SLC47A2: variants seen among roughly 807,000 people sequenced by gnomAD.
The protein encoded by SLC47A2 is solute carrier family 47 member 2.
A neutral mutation model predicts 67.7 loss-of-function variants in SLC47A2; 52 were observed. The ratio of observed to expected loss-of-function variants is 0.77; its 90% CI spans 0.61 to 0.97. The LOEUF (loss-of-function observed/expected upper bound fraction) is 0.97. Ranked by LOEUF, SLC47A2 falls within the 50% of genes least tolerant of loss-of-function variation. The pLI is 0.00. For missense variants in SLC47A2, 676 were observed against 712.3 expected (o/e 0.95, Z 0.58); for synonymous variants, 278 against 292.9 (o/e 0.95, Z 0.52).
chr17:19,678,884 G>T lies in SLC47A2; in HGVS notation c.1503C>A (p.Gly501=), dbSNP rs964965037. ...LSSVATGSSP[G]ITLTTYSRSE... The stretch of plus-strand genomic sequence containing the variant: ...ACCTTGAATACGTTGTCAAGGTAAT[G>T]CCAGGGGAACTGCCTGTAGCCACTG... Residue 501 remains glycine (G), a synonymous_variant, in exon 17 of 17, where the codon GGC becomes GGA. Transcript: ENST00000433844. 2.5e-6 allele frequency: 4 copies of T among 1,584,150 alleles called. No homozygotes were observed. Among genetic ancestry groups the T allele is most frequent in the Non-Finnish European group, 3.4e-6 (4 of 1,163,852 alleles).
At chr17:19,704,785 GTGTGCAGGAA>G in intron 10 of SLC47A2, 1 of 1,072,170 alleles carries the variant, frequency 9.3e-7, no homozygotes, top group Non-Finnish European at 1.3e-6. Context: ...GCCGACTGCA[GTGTGCAGGAA>G]TGTGGCCTGC....
At chr17:19,680,898 A>G (rs913858907) in intron 15 of SLC47A2, among the ~76,000 whole-genome samples, 1 of 152,186 alleles carries the variant, frequency 6.6e-6, no homozygotes, top group Non-Finnish European at 1.5e-5. Context: ...GACAGGAGCC[A>G]CTGTTGAGGC....
At chr17:19,681,222 CA>C (rs2085305981) in intron 15 of SLC47A2, 144 bp downstream of exon 15, 2 of 677,746 alleles carry the variant, frequency 3.0e-6, no homozygotes, top group African/African-American at 3.7e-5. Context: ...CACAAACAAA[CA>C]AACAAAAAAA....
chr17:19,708,194 C>T, intron 7 of SLC47A2, 108 bp downstream of exon 7: 2 of 1,292,356 alleles, frequency 1.5e-6, no homozygotes, highest in Non-Finnish European at 2.2e-6. Flanking sequence ...CCCTCCACTT[C>T]AGGACGGCAC....
At chr17:19,682,477 G>A (rs1367002578) in intron 13 of SLC47A2, among the ~76,000 whole-genome samples, 1 of 152,186 alleles carries the variant, frequency 6.6e-6, no homozygotes, top group Admixed American at 6.5e-5. Context: ...ATGTGTCTCT[G>A]CTTTTTCTAG....
At chr17:19,716,668 T>C, upstream of SLC47A2, 1 of 1,417,994 alleles carries the variant, frequency 7.1e-7, no homozygotes, top group Non-Finnish European at 9.3e-7. Context: ...GGCTGATGAG[T>C]AAGGGGCAGG....
chr17:19,716,494 C>A lies in SLC47A2; in HGVS notation c.62G>T (p.Arg21Met), dbSNP rs2086271349. 2.5e-6 allele frequency: 4 copies of A among 1,612,744 alleles called. No homozygotes were observed. The highest frequency in any genetic ancestry group is 3.4e-6 in the Non-Finnish European group (4 of 1,179,570). Residue 21 changes from arginine to methionine, a missense_variant, in exon 1 of 17, where the codon AGG becomes ATG. Coordinates refer to ENST00000433844, the MANE Select transcript of SLC47A2 (RefSeq NM_001099646.3). ...AGTCCCAAAGCCTCTGGGAACCAGC[C>A]TGCTGAGGGCAGGGCAGCAGCCCCC... ...DHGGCCPALS[R>M]LVPRGFGTEM...
intron 15 of SLC47A2, 63 bp from the exon 16 acceptor site, chr17:19,680,102 A>G: frequency 6.7e-7 from 1 of 1,495,346 alleles, no homozygotes; most frequent in Non-Finnish European, 9.2e-7. Context: ...CTTCACTGCT[A>G]GCCTCGCATT....
Position 19,705,491 on chromosome 17 carries a change from A to G in SLC47A2, c.854T>C (p.Val285Ala). ...GACAGCCTGGGCAGAGAGATCCACCACACTGAGCAGCCCTAGAGAAGAGGC... is the reference window on the plus strand; with the variant it reads ...GACAGCCTGGGCAGAGAGATCCACCGCACTGAGCAGCCCTAGAGAAGAGGC... ...IGSFLMGLLSVVDLSAQAVIY... is the reference protein window; with the variant it reads ...IGSFLMGLLSAVDLSAQAVIY... The change falls in exon 10 of 17, where the codon GTG (valine) becomes GCG (alanine). Residue 285 changes from valine to alanine, a missense_variant. Coordinates refer to ENST00000433844, the MANE Select transcript of SLC47A2 (RefSeq NM_001099646.3). 1 of 1,609,826 alleles carries G rather than the reference A, an allele frequency of 6.2e-7. No homozygotes were observed. The highest frequency in any genetic ancestry group is 8.5e-7 in the Non-Finnish European group (1 of 1,178,730).
At chr17:19,691,357 T>C (rs1349628015) in intron 13 of SLC47A2, among the ~76,000 whole-genome samples, 1 of 152,158 alleles carries the variant, frequency 6.6e-6, no homozygotes. Context: ...TAAGTATCCA[T>C]GAACAGATGA....
intron 13 of SLC47A2, among the ~76,000 whole-genome samples, chr17:19,694,009 A>G (rs1438808856): frequency 6.6e-6 from 1 of 152,228 alleles, no homozygotes; most frequent in Non-Finnish European, 1.5e-5. Context: ...AATGAAATTA[A>G]GAAAACAATT....
Position 19,705,521 on chromosome 17 carries a change from C to T in SLC47A2, c.842-18G>A, listed in dbSNP as rs373139119. On this transcript the variant is annotated intron_variant, in intron 9 of 16. Transcript: ENST00000433844. ...GAGCAGCCCTAGAGAAGAGGCCCGCCGTGAGTCCGGCCCGCAGCCCCAGAC... is the reference window on the plus strand; with the variant it reads ...GAGCAGCCCTAGAGAAGAGGCCCGCTGTGAGTCCGGCCCGCAGCCCCAGAC... The T allele has an allele frequency of 9.3e-6, 15 of 1,605,616 alleles. No homozygotes were observed. Among genetic ancestry groups the T allele is most frequent in the Middle Eastern group, 1.8e-4 (1 of 5,706 alleles).
chr17:19,684,067 ATAAAC>A, intron 13 of SLC47A2, among the ~76,000 whole-genome samples: 1 of 152,266 alleles, frequency 6.6e-6, no homozygotes, highest in African/African-American at 2.4e-5. Flanking sequence ...ACAAATCTCA[ATAAAC>A]TAAACTTAAA....
intron 12 of SLC47A2, 90 bp downstream of exon 12, chr17:19,703,002 G>T: frequency 2.2e-6 from 3 of 1,389,684 alleles, no homozygotes; most frequent in Non-Finnish European, 3.0e-6. Context: ...TTTGGGCCCA[G>T]CACTGAGCCA....
At chr17:19,718,960 A>G (rs1451697228), upstream of SLC47A2, 2 of 152,198 alleles carry the variant, frequency 1.3e-5, no homozygotes, top group Non-Finnish European at 2.9e-5. Flanking sequence ...AACCTGAGAT[A>G]CTTTGAGCGG....
At chr17:19,718,767 TG>T (rs2086310939), upstream of SLC47A2, 3 of 151,802 alleles carry the variant, frequency 2.0e-5, no homozygotes, top group Non-Finnish European at 4.4e-5. Context: ...GCAGGCAGAG[TG>T]GGGGGTGGGG....
Position 19,707,840 on chromosome 17 carries a change from G to A in SLC47A2, c.633C>T (p.Gly211=), listed in dbSNP as rs543042451. The A allele has an allele frequency of 1.8e-4, 284 of 1,592,206 alleles. 2 individuals carry two copies. The East Asian group carries it at 6.4e-3, about 36-fold the overall frequency. ...GGGAGATGATGTTGGCATAGGCGGA[G>A]CCCCTGGGTAAGGAGGGAGAACAGG... is the stretch of plus-strand genomic sequence containing the variant. ...LVSVLNLGVR[G]SAYANIISQF... The change falls in exon 8 of 17, where the codon GGC becomes GGT. Residue 211 remains glycine (G), a synonymous_variant. Coordinates refer to ENST00000433844, the MANE Select transcript of SLC47A2 (RefSeq NM_001099646.3).
At chr17:19,680,771 A>G (rs1438555000) in intron 15 of SLC47A2, among the ~76,000 whole-genome samples, 2 of 152,120 alleles carry the variant, frequency 1.3e-5, no homozygotes, top group African/African-American at 2.4e-5. Flanking sequence ...GGTTCAGACT[A>G]GTTTGAGTTC....
At chr17:19,707,969 T>C in intron 7 of SLC47A2, 126 bp from the exon 8 acceptor site, 2 of 944,940 alleles carry the variant, frequency 2.1e-6, no homozygotes, top group East Asian at 2.6e-5. Flanking sequence ...TCCCCCATCC[T>C]GGGATCAGAC....
Sources: allele counts gnomAD v4.1 joint callset (sites outside exome capture counted in the v4.1 genomes callset), GRCh38; gene constraint gnomAD v4.1.1; transcripts MANE v1.5; gene names NCBI Gene and HGNC (gene_info 2026-07-23, HGNC 2026-07-21).